The following SYNE3 variants were observed in gnomAD, a reference collection of about 807,000 sequenced individuals.
SYNE3 encodes the protein nesprin-3.
A neutral mutation model predicts 111.2 loss-of-function variants in SYNE3; 100 were observed. The observed-to-expected ratio is 0.90, with a 90% confidence interval of 0.77 to 1.06. SYNE3 has a LOEUF of 1.06. SYNE3 is among the 50% of genes least tolerant of loss of function. SYNE3 has a pLI of 0.00. For synonymous variants in SYNE3, 547 were observed against 533.9 expected, an observed-to-expected ratio of 1.02 and a Z score of -0.34; for missense variants, 1,160 against 1,240.3, an observed-to-expected ratio of 0.94 and a Z score of 0.97.
At chr14:95,427,580 TCTCTCTCC>T (rs939248395) in intron 17 of SYNE3, among the ~76,000 whole-genome samples, 9 of 152,066 alleles carry the variant, frequency 5.9e-5, no homozygotes, top group Admixed American at 5.2e-4. Flanking sequence ...TCTCTCTCCC[TCTCTCTCC>T]CTCTCTCTCT....
chr14:95,448,200 T>C (rs1163122529), intron 8 of SYNE3, among the ~76,000 whole-genome samples: 1 of 152,256 alleles, frequency 6.6e-6, no homozygotes, highest in Non-Finnish European at 1.5e-5. Flanking sequence ...AATATCTAAA[T>C]GGATTTAATC....
chr14:95,459,379 G>A (rs1258532191), intron 4 of SYNE3, among the ~76,000 whole-genome samples: 1 of 151,188 alleles, frequency 6.6e-6, no homozygotes, highest in African/African-American at 2.4e-5. Context: ...TAGGCAACAC[G>A]GTCAGACGTC....
In SYNE3 at chr14:95,409,408, G is replaced by A; in HGVS notation, c.*8418C>T. ...TGTCCCTCATCTCCACAGAGGTGCTGGGGATGGGCTGGCCTGGTGTTCCTG... is the reference window on the plus strand; with the variant it reads ...TGTCCCTCATCTCCACAGAGGTGCTAGGGATGGGCTGGCCTGGTGTTCCTG... On this transcript the variant is annotated 3_prime_UTR_variant, in exon 18 of 18. Transcript: ENST00000682763. The A allele has an allele frequency of 2.2e-6, 1 of 456,534 alleles. No homozygotes were observed. Among genetic ancestry groups the A allele is most frequent in the Non-Finnish European group, 4.4e-6 (1 of 226,864 alleles). 28.3% of individuals were successfully genotyped at this position (456,534 alleles called of 1,614,324 possible).
intron 3 of SYNE3, among the ~76,000 whole-genome samples, chr14:95,466,909 CA>C (rs934813012): frequency 2.6e-5 from 4 of 152,350 alleles, no homozygotes; most frequent in Admixed American, 6.5e-5. Flanking sequence ...AATGCTGCCC[CA>C]CTGACATCTG....
At chr14:95,514,882 C>T (rs1029596256) in intron 1 of SYNE3, among the ~76,000 whole-genome samples, 3 of 152,242 alleles carry the variant, frequency 2.0e-5, no homozygotes, top group Non-Finnish European at 4.4e-5. Context: ...CAGCCCGCTC[C>T]AGGCTGCATC....
Position 95,475,807 on chromosome 14 carries a change from G to A in SYNE3, c.15C>T (p.Pro5=). The A allele has an allele frequency of 6.4e-7, 1 of 1,567,776 alleles. No individual in the cohort carries two copies. The highest frequency in any genetic ancestry group is 8.6e-7 in the Non-Finnish European group (1 of 1,159,272). ...CCACGCTCCTGTCAAAGTCGTCCTG[G>A]GGCTGCTGAGTCATGGCACCTGCAG... MTQQ[P]QDDFDRSVED... Residue 5 remains proline (P), a synonymous_variant, in exon 2 of 18, where the codon CCC becomes CCT. Coordinates refer to ENST00000682763, the MANE Select transcript of SYNE3 (RefSeq NM_152592.6).
At chr14:95,489,624 T>G (rs1889741253) in intron 1 of SYNE3, among the ~76,000 whole-genome samples, 2 of 152,218 alleles carry the variant, frequency 1.3e-5, no homozygotes, top group African/African-American at 4.8e-5. Flanking sequence ...TTCTTTTATT[T>G]GATTATTTTT....
Position 95,415,049 on chromosome 14 carries a change from A to C in SYNE3, c.*2777T>G, listed in dbSNP as rs1201549586. On this transcript the variant is annotated 3_prime_UTR_variant, in exon 18 of 18. Coordinates refer to ENST00000682763, the MANE Select transcript of SYNE3 (RefSeq NM_152592.6). The stretch of plus-strand genomic sequence containing the variant: ...ATGTTCCAGCTTCTCCTTCCCCAAC[A>C]TGTGGTATATGTGACAGGCTGCATA... The C allele has an allele frequency of 5.9e-5, 9 of 151,464 alleles. No homozygotes were observed. Among genetic ancestry groups the C allele is most frequent in the Non-Finnish European group, 1.2e-4 (8 of 67,900 alleles). The allele number at this position is 151,464 out of a possible 1,614,324, so 9.4% of individuals were successfully genotyped here.
At position 95,416,740 on chromosome 14, in the gene SYNE3, G is replaced by A. The variant is rs921063111; in HGVS notation, c.*1086C>T. ...TCTGGGAAGCGGAAGGAGAGCCCTT[G>A]AGACAGGCTGAACTCCAAAGCAGAT... On this transcript the variant is annotated 3_prime_UTR_variant, in exon 18 of 18. Coordinates refer to ENST00000682763, the MANE Select transcript of SYNE3 (RefSeq NM_152592.6). 2.6e-5 allele frequency: 4 copies of A among 152,342 alleles called. No individual in the cohort carries two copies. The highest frequency in any genetic ancestry group is 9.6e-5 in the African/African-American group (4 of 41,466). 9.4% of individuals were successfully genotyped at this position (152,342 alleles called of 1,614,324 possible).
rs1224521780 is a variant in SYNE3, at chr14:95,457,324, C to G, written c.642G>C (p.Leu214=). The change falls in exon 5 of 18, where the codon CTG becomes CTC. Residue 214 remains leucine (L), a synonymous_variant. Coordinates refer to ENST00000682763, the MANE Select transcript of SYNE3 (RefSeq NM_152592.6). ...VKAKAQKRVD[L]LEQVAREHEE... is the part of the protein sequence containing the mutation. ...CATGCTCCCGGGCCACCTGCTCCAGCAGATCTACACGCTTCTGTGGGAGGA... is the reference window on the plus strand; with the variant it reads ...CATGCTCCCGGGCCACCTGCTCCAGGAGATCTACACGCTTCTGTGGGAGGA... The G allele has an allele frequency of 6.3e-7, 1 of 1,595,990 alleles. No homozygotes were observed. The highest frequency in any genetic ancestry group is 8.5e-7 in the Non-Finnish European group (1 of 1,169,770).
chr14:95,465,303 A>G (rs918858342), intron 4 of SYNE3, among the ~76,000 whole-genome samples: 3 of 151,840 alleles, frequency 2.0e-5, no homozygotes, highest in Non-Finnish European at 4.4e-5. Context: ...ATGTATATTA[A>G]GCACTGCGAA....
At chr14:95,461,944 G>A (rs993696353) in intron 4 of SYNE3, among the ~76,000 whole-genome samples, 10 of 152,288 alleles carry the variant, frequency 6.6e-5, no homozygotes, top group Admixed American at 5.9e-4. Context: ...TGGAGGGCTG[G>A]GGACACCCAG....
At chr14:95,438,940 C>T (rs545537462) in intron 14 of SYNE3, 93 bp downstream of exon 14, 42 of 1,548,310 alleles carry the variant, frequency 2.7e-5, no homozygotes, top group Non-Finnish European at 3.7e-5. Flanking sequence ...AGCATGTTGC[C>T]CCAGACAGGG....
chr14:95,432,221 G>C (rs897644655), intron 16 of SYNE3, 104 bp from the exon 17 acceptor site: 4 of 1,377,912 alleles, frequency 2.9e-6, no homozygotes, highest in Non-Finnish European at 3.0e-6. Flanking sequence ...TTTTGTCAGG[G>C]GAGTGTTTCT....
intron 3 of SYNE3, among the ~76,000 whole-genome samples, chr14:95,466,926 T>C (rs1165075265): frequency 6.6e-6 from 1 of 152,208 alleles, no homozygotes; most frequent in African/African-American, 2.4e-5. Flanking sequence ...ATCTGTGACA[T>C]CTGCATCTGT....
intron 1 of SYNE3, among the ~76,000 whole-genome samples, chr14:95,514,216 C>T (rs141293055): frequency 0.017 from 2,535 of 152,290 alleles, 27 homozygotes; most frequent in Non-Finnish European, 0.024. Context: ...TATCACCCCG[C>T]CCAGGCTGGA....
chr14:95,422,696 C>A (rs750566856), intron 17 of SYNE3, among the ~76,000 whole-genome samples: 2 of 152,202 alleles, frequency 1.3e-5, no homozygotes, highest in African/African-American at 4.8e-5. Context: ...AAGCGTGGGA[C>A]GGTGGGAGGA....
intron 1 of SYNE3, among the ~76,000 whole-genome samples, chr14:95,480,008 C>A (rs192267424): frequency 2.6e-3 from 389 of 151,920 alleles, no homozygotes; most frequent in African/African-American, 8.8e-3. Flanking sequence ...CTCTCTGGCA[C>A]GGGAGAAGTT....
At position 95,436,874 on chromosome 14, in the gene SYNE3, G is replaced by A. The variant is rs200011095; in HGVS notation, c.2484C>T (p.Ile828=). The change falls in exon 15 of 18, where the codon ATC becomes ATT. Residue 828 remains isoleucine (I), a synonymous_variant. Coordinates refer to ENST00000682763, the MANE Select transcript of SYNE3 (RefSeq NM_152592.6). ...CCTCAGCTGTAGAAGTTCTCATTGC[G>A]ATGATTCTAACCAGCTTGGAGTTTT... ...QVENSKLVRI[I]AMRTSTAEDL... The A allele has an allele frequency of 9.3e-6, 15 of 1,614,090 alleles. No individual in the cohort carries two copies. Among genetic ancestry groups the A allele is most frequent in the African/African-American group, 2.7e-5 (2 of 74,922 alleles).
Sources: gnomAD v4.1 joint callset for allele counts (sites outside exome capture counted in the v4.1 genomes callset) on GRCh38, gnomAD v4.1.1 for gene constraint, MANE v1.5 for transcripts, NCBI Gene and HGNC (gene_info 2026-07-23, HGNC 2026-07-21) for gene names.